The following GRM7 variants were observed in gnomAD, a reference collection of about 807,000 sequenced individuals.
GRM7 encodes the protein glutamate metabotropic receptor 7.
In GRM7, 35 loss-of-function variants were observed where a neutral mutation model predicts 84.5. The observed-to-expected ratio is 0.41, with a 90% CI of 0.32 to 0.55. The LOEUF is 0.55. Ranked by LOEUF, GRM7 falls within the 20% of genes least tolerant of loss-of-function variation. GRM7 has a pLI of 0.19. For missense variants in GRM7, 1,003 were observed against 1,194.6 expected (o/e 0.84, Z 2.36); for synonymous variants, 487 against 455.1 (o/e 1.07, Z -0.89).
At position 7,384,085 on chromosome 3, in the gene GRM7, G is replaced by C. The variant is rs527573664; in HGVS notation, c.1034-30938G>C. 9.9e-5 allele frequency among the ~76,000 whole-genome samples: 15 copies of C among 152,132 alleles called. No homozygotes were observed. In the South Asian group the frequency reaches 2.5e-3, roughly 25 times the overall value. ...ACTCTCTTGGCCAGGCTGGAGTGCAGTGGCGCAATTTTGGCTCACCACAAC... is the reference window on the plus strand; with the variant it reads ...ACTCTCTTGGCCAGGCTGGAGTGCACTGGCGCAATTTTGGCTCACCACAAC... On this transcript the variant is annotated intron_variant, in intron 4 of 9. Transcript: ENST00000357716.
At chr3:7,549,924 A>T (rs1207619188) in intron 7 of GRM7, among the ~76,000 whole-genome samples, 1 of 152,136 alleles carries the variant, frequency 6.6e-6, no homozygotes, top group Non-Finnish European at 1.5e-5. Flanking sequence ...TGAAATGAAC[A>T]CATCTGTCCT....
intron 9 of GRM7, among the ~76,000 whole-genome samples, chr3:7,725,624 A>G (rs1003820682): frequency 2.0e-5 from 3 of 152,118 alleles, no homozygotes; most frequent in Non-Finnish European, 4.4e-5. Flanking sequence ...CTGCATCTCA[A>G]TGATACTCCT....
At chr3:7,235,732 A>T (rs1193861305) in intron 2 of GRM7, among the ~76,000 whole-genome samples, 1 of 152,234 alleles carries the variant, frequency 6.6e-6, no homozygotes, top group African/African-American at 2.4e-5. Flanking sequence ...GATAATATTC[A>T]TCATTTCTAA....
At chr3:7,441,543 T>A (rs1697288250) in intron 5 of GRM7, among the ~76,000 whole-genome samples, 1 of 152,166 alleles carries the variant, frequency 6.6e-6, no homozygotes, top group Admixed American at 6.6e-5. Context: ...GTTATCTTCA[T>A]AAAATCTTTG....
At position 7,596,767 on chromosome 3, in the gene GRM7, G is replaced by T. The variant is rs536265575; in HGVS notation, c.2451+17410G>T. Among the ~76,000 whole-genome samples, 9 of 152,158 alleles carry T rather than the reference G, an allele frequency of 5.9e-5. No individual in the cohort carries two copies. In the East Asian group the frequency reaches 1.6e-3, roughly 26 times the overall value. ...GTGCTAGGGAGAATGGGAGGAGAGA[G>T]AGCTTCTGTGAGCATAATAAAGGCT... On this transcript the variant is annotated intron_variant, in intron 8 of 9. Transcript: ENST00000357716.
intron 4 of GRM7, among the ~76,000 whole-genome samples, chr3:7,372,855 CT>C (rs933100987): frequency 8.0e-5 from 12 of 150,792 alleles, no homozygotes; most frequent in South Asian, 4.2e-4. Flanking sequence ...AAGCAGAAAG[CT>C]TTTTTTTTAA....
chr3:7,002,956 T>A (rs1302752281), intron 1 of GRM7, among the ~76,000 whole-genome samples: 1 of 152,146 alleles, frequency 6.6e-6, no homozygotes, highest in African/African-American at 2.4e-5. Flanking sequence ...TAAACCTAGA[T>A]AATATTGTGC....
intron 9 of GRM7, among the ~76,000 whole-genome samples, chr3:7,696,819 C>T (rs562136471): frequency 1.2e-4 from 18 of 152,258 alleles, no homozygotes; most frequent in African/African-American, 2.4e-4. Flanking sequence ...TTATGTGAAT[C>T]GTGAACAGTT....
At chr3:7,103,103 T>G (rs1699169342) in intron 1 of GRM7, among the ~76,000 whole-genome samples, 1 of 151,860 alleles carries the variant, frequency 6.6e-6, no homozygotes, top group South Asian at 2.1e-4. Context: ...ATCTTATATG[T>G]CTCATATTTT....
At chr3:7,580,605 C>T (rs1695203091) in intron 8 of GRM7, among the ~76,000 whole-genome samples, 1 of 151,994 alleles carries the variant, frequency 6.6e-6, no homozygotes, top group Non-Finnish European at 1.5e-5. Context: ...TTCAGAGGGG[C>T]TATAATTTTG....
chr3:7,690,138 A>G (rs1228407208), intron 9 of GRM7, among the ~76,000 whole-genome samples: 1 of 152,188 alleles, frequency 6.6e-6, no homozygotes, highest in Non-Finnish European at 1.5e-5. Flanking sequence ...CTGGTACTAG[A>G]AAGCAGTTAC....
In GRM7 at chr3:7,286,376, A is replaced by T. The variant is rs7635212; in HGVS notation, c.737-12308A>T. ...TCTGGAGAGAAATTATATGATATCC[A>T]CAAATATTCACCTCTCACATTCTTT... is the stretch of plus-strand genomic sequence containing the variant. On this transcript the variant is annotated intron_variant, in intron 2 of 9. Transcript: ENST00000357716. Among the ~76,000 whole-genome samples, 31 of 152,112 alleles carry T rather than the reference A, an allele frequency of 2.0e-4. No homozygotes were observed. In the South Asian group the frequency reaches 5.4e-3, roughly 26 times the overall value.
intron 1 of GRM7, among the ~76,000 whole-genome samples, chr3:6,881,507 A>G (rs1670002876): frequency 6.6e-6 from 1 of 152,156 alleles, no homozygotes; most frequent in South Asian, 2.1e-4. Context: ...TCCATGGTTT[A>G]TATGTACCAC....
At position 7,139,083 on chromosome 3, in the gene GRM7, G is replaced by GTACTATATTATACTCTATACTCTATTA. The variant is rs1559465167; in HGVS notation, c.520-7350_520-7349insCTCTATTATACTATATTATACTCTATA. ...AGTACATTATATAATATTATATAAT[G>GTACTATATTATACTCTATACTCTATTA]TACTATATTATACTCTATAATATAA... On this transcript the variant is annotated intron_variant, in intron 1 of 9. Coordinates refer to ENST00000357716, the MANE Select transcript of GRM7 (RefSeq NM_000844.4). Among the ~76,000 whole-genome samples the GTACTATATTATACTCTATACTCTATTA allele has an allele frequency of 4.8e-5, 7 of 146,104 alleles. No homozygotes were observed. In the South Asian group the frequency reaches 1.5e-3, roughly 31 times the overall value.
intron 3 of GRM7, among the ~76,000 whole-genome samples, chr3:7,302,094 GT>G (rs573941167): frequency 1.3e-5 from 2 of 151,264 alleles, no homozygotes; most frequent in African/African-American, 2.4e-5. Flanking sequence ...TTTTTTTATT[GT>G]TTTTTTTCAA....
chr3:7,168,475 C>T (rs1044807676), intron 2 of GRM7, among the ~76,000 whole-genome samples: 1 of 152,140 alleles, frequency 6.6e-6, no homozygotes, highest in South Asian at 2.1e-4. Flanking sequence ...TCTCTTTCCA[C>T]CATGCAAGGT....
intron 5 of GRM7, among the ~76,000 whole-genome samples, chr3:7,438,127 G>A (rs1046846269): frequency 5.3e-5 from 8 of 152,020 alleles, no homozygotes; most frequent in Admixed American, 2.0e-4. Flanking sequence ...TTCAATCAGG[G>A]GAGTGGCATG....
At chr3:6,977,545 C>A (rs999448678) in intron 1 of GRM7, among the ~76,000 whole-genome samples, 2 of 152,152 alleles carry the variant, frequency 1.3e-5, no homozygotes, top group Non-Finnish European at 2.9e-5. Context: ...GCCAACCCCC[C>A]ACTAAGTGGC....
intron 2 of GRM7, among the ~76,000 whole-genome samples, chr3:7,189,027 T>C (rs1284493397): frequency 2.0e-5 from 3 of 152,218 alleles, no homozygotes; most frequent in African/African-American, 4.8e-5. Flanking sequence ...CCTTACTGTA[T>C]GGCCACCAGC....
Sources: gnomAD v4.1 joint callset for allele counts (sites outside exome capture counted in the v4.1 genomes callset) on GRCh38, gnomAD v4.1.1 for gene constraint, MANE v1.5 for transcripts, NCBI Gene and HGNC (gene_info 2026-07-23, HGNC 2026-07-21) for gene names.